TTC21B: variants seen among roughly 807,000 people sequenced by gnomAD.
The protein encoded by TTC21B is tetratricopeptide repeat protein 21B.
A neutral mutation model predicts 175.1 loss-of-function variants in TTC21B; 127 were observed. That is an observed-to-expected ratio of 0.73 (90% CI 0.63 to 0.84). TTC21B has a LOEUF of 0.84. TTC21B is among the 40% of genes least tolerant of loss of function. The probability of loss-of-function intolerance (pLI) is 0.00; values close to 1 mark genes in which losing one functional copy is unlikely to be tolerated. For synonymous variants in TTC21B, 524 were observed against 524.5 expected, an observed-to-expected ratio of 1.00 and a Z score of 0.01; for missense variants, 1,561 against 1,558.3, an observed-to-expected ratio of 1.00 and a Z score of -0.03.
intron 18 of TTC21B, among the ~76,000 whole-genome samples, chr2:165,908,017 C>T (rs779714584): frequency 1.4e-4 from 22 of 151,828 alleles, no homozygotes; most frequent in Non-Finnish European, 2.8e-4. Flanking sequence ...CAACTAGAGG[C>T]TTTTCTTAGA....
intron 18 of TTC21B, among the ~76,000 whole-genome samples, chr2:165,909,075 G>T (rs905024748): frequency 6.6e-6 from 1 of 151,852 alleles, no homozygotes; most frequent in Non-Finnish European, 1.5e-5. Flanking sequence ...GTTGGCAAAA[G>T]AAAAGAAACA....
At chr2:165,921,912 T>C (rs565260831) in intron 12 of TTC21B, among the ~76,000 whole-genome samples, 5 of 151,924 alleles carry the variant, frequency 3.3e-5, no homozygotes, top group Non-Finnish European at 7.4e-5. Flanking sequence ...TCTGAAATTC[T>C]GGTGCACTCA....
At chr2:165,940,728 TA>T (rs1687332537) in intron 6 of TTC21B, among the ~76,000 whole-genome samples, 1 of 152,162 alleles carries the variant, frequency 6.6e-6, no homozygotes, top group Non-Finnish European at 1.5e-5. Flanking sequence ...TACTACACAA[TA>T]TACTTATTTG....
intron 12 of TTC21B, among the ~76,000 whole-genome samples, chr2:165,920,790 T>A (rs1686367821): frequency 1.3e-5 from 2 of 151,584 alleles, no homozygotes; most frequent in African/African-American, 4.9e-5. Flanking sequence ...TTTAAAATAT[T>A]TTGAAGGATA....
chr2:165,930,721 G>T (rs1377024975), intron 8 of TTC21B, among the ~76,000 whole-genome samples: 1 of 107,354 alleles, frequency 9.3e-6, no homozygotes, highest in African/African-American at 3.6e-5. Context: ...TTATGGTTAC[G>T]TGGGTATGGG....
chr2:165,949,631 A>C lies in TTC21B; in HGVS notation c.115T>G (p.Phe39Val). 3.7e-6 allele frequency: 6 copies of C among 1,613,696 alleles called. No individual in the cohort carries two copies. The highest frequency in any genetic ancestry group is 5.1e-6 in the Non-Finnish European group (6 of 1,179,872). Residue 39 changes from phenylalanine to valine, a missense_variant, in exon 2 of 29, where the codon TTC becomes GTC. Coordinates refer to ENST00000243344, the MANE Select transcript of TTC21B (RefSeq NM_024753.5). The part of the protein sequence containing the change: ...GIKRYGSDPV[F>V]RFYHAYGTLM... ...GTGCCATAGGCATGATAAAACCTGA[A>C]GACTGGATCACTTCCATACCTCTTA...
intron 26 of TTC21B, 34 bp downstream of exon 26, chr2:165,883,760 G>GCT: frequency 6.6e-7 from 1 of 1,517,194 alleles, no homozygotes; most frequent in Non-Finnish European, 9.2e-7. Flanking sequence ...TGCAACAAAG[G>GCT]TCAATAATTA....
rs1686204640 is a variant in TTC21B at position 165,917,132 on chromosome 2, G to A, written c.1899+125C>T. 4 of 860,904 alleles carry A rather than the reference G, an allele frequency of 4.6e-6. No homozygotes were observed. In the South Asian group the frequency reaches 5.7e-5, roughly 12 times the overall value. 53.3% of individuals were successfully genotyped at this position (860,904 alleles called of 1,614,324 possible). A position where few individuals can be genotyped will look rare whatever the true frequency, so the allele number is the denominator to read the frequency against. On this transcript the variant is annotated intron_variant, in intron 14 of 28. Coordinates refer to ENST00000243344, the MANE Select transcript of TTC21B (RefSeq NM_024753.5). ...GACCTCAGATGATCCATCTGCCTCG[G>A]CCTCCCAAAGTGCTGGGATTACAGG... is the stretch of plus-strand genomic sequence containing the variant.
intron 27 of TTC21B, among the ~76,000 whole-genome samples, chr2:165,876,768 G>C (rs1355133496): frequency 6.6e-6 from 1 of 152,190 alleles, no homozygotes; most frequent in Non-Finnish European, 1.5e-5. Flanking sequence ...TAAAGAACCT[G>C]AAGGGTATCA....
chr2:165,883,471 T>C (rs1342215381), intron 26 of TTC21B, among the ~76,000 whole-genome samples: 2 of 152,230 alleles, frequency 1.3e-5, no homozygotes, highest in Admixed American at 6.5e-5. Flanking sequence ...GCAATTAATG[T>C]TCTTCTGCAA....
chr2:165,919,147 G>C (rs1003208729), intron 13 of TTC21B, 129 bp downstream of exon 13: 1 of 1,119,504 alleles, frequency 8.9e-7, no homozygotes, highest in Non-Finnish European at 1.3e-6. Flanking sequence ...CTGCTTGTGA[G>C]TTCCATTTTT....
chr2:165,913,214 C>T (rs920748499), intron 16 of TTC21B, among the ~76,000 whole-genome samples: 12 of 152,012 alleles, frequency 7.9e-5, no homozygotes, highest in African/African-American at 1.9e-4. Context: ...TTTGTAGAGA[C>T]GGGGTTTCAC....
intron 18 of TTC21B, among the ~76,000 whole-genome samples, chr2:165,910,671 A>G (rs1685900116): frequency 6.6e-6 from 1 of 152,148 alleles, no homozygotes; most frequent in South Asian, 2.1e-4. Flanking sequence ...ATGCCTGTAG[A>G]TAGAATAATA....
rs1038940727 is a variant in TTC21B, at chr2:165,931,620, T to C, written c.894+138A>G. The C allele has an allele frequency of 4.5e-5, 34 of 757,814 alleles. No homozygotes were observed. In the Admixed American group the frequency reaches 7.1e-4, roughly 16 times the overall value. The allele number at this position is 757,814 out of a possible 1,614,324, so 46.9% of individuals were successfully genotyped here. On this transcript the variant is annotated intron_variant, in intron 8 of 28. Coordinates refer to ENST00000243344, the MANE Select transcript of TTC21B (RefSeq NM_024753.5). ...GAAACCACACCTCCTCTAAACTGCC[T>C]TTCCTAGGAGTATATCATATATTTA...
At chr2:165,951,889 T>C (rs937857006) in intron 1 of TTC21B, among the ~76,000 whole-genome samples, 1 of 152,188 alleles carries the variant, frequency 6.6e-6, no homozygotes, top group African/African-American at 2.4e-5. Flanking sequence ...GAAAACTGAA[T>C]GTGGTGTGAG....
chr2:165,952,384 G>A (rs1231832055), intron 1 of TTC21B, among the ~76,000 whole-genome samples: 2 of 151,998 alleles, frequency 1.3e-5, no homozygotes, highest in African/African-American at 2.4e-5. Context: ...AGATGTGATA[G>A]ACCATACGGT....
chr2:165,952,658 AT>A (rs1687793981), intron 1 of TTC21B, among the ~76,000 whole-genome samples: 2 of 152,236 alleles, frequency 1.3e-5, no homozygotes, highest in South Asian at 4.1e-4. Context: ...GAATAAAAAA[AT>A]GTAAGGATAT....
intron 15 of TTC21B, 113 bp downstream of exon 15, chr2:165,915,088 A>C: frequency 2.2e-6 from 2 of 897,146 alleles, no homozygotes; most frequent in East Asian, 4.8e-5. Context: ...CCACATTCAG[A>C]AAACGATCTG....
rs1684608577 is a variant in TTC21B, at chr2:165,874,706, T to TA, written c.*48dup. On this transcript the variant is annotated 3_prime_UTR_variant, in exon 29 of 29. Transcript: ENST00000243344. Reference sequence around the variant, plus strand: ...GTTTTGAACAGGAAGAACTGAAAGTTAGATTTCTTTCATTTCCTGTTAAAC... The same window carrying TA: ...GTTTTGAACAGGAAGAACTGAAAGTTAAGATTTCTTTCATTTCCTGTTAAAC... 6.6e-7 allele frequency: 1 copy of TA among 1,524,450 alleles called. No individual in the cohort carries two copies. The highest frequency in any genetic ancestry group is 2.3e-5 in the East Asian group (1 of 44,244). The allele number at this position is 1,524,450 out of a possible 1,614,324, so 94.4% of individuals were successfully genotyped here. A position where few individuals can be genotyped will look rare whatever the true frequency, so the allele number is the denominator to read the frequency against.
Sources: gnomAD v4.1 joint callset for allele counts (sites outside exome capture counted in the v4.1 genomes callset) on GRCh38, gnomAD v4.1.1 for gene constraint, MANE v1.5 for transcripts, NCBI Gene and HGNC (gene_info 2026-07-23, HGNC 2026-07-21) for gene names.